The following DHPS variants were observed in gnomAD, a reference collection of about 807,000 sequenced individuals.
DHPS encodes deoxyhypusine synthase.
Under a neutral mutation model 38.7 loss-of-function variants are expected in DHPS, and 24 were observed. The ratio of observed to expected loss-of-function variants is 0.62; its 90% confidence interval spans 0.45 to 0.87. The LOEUF is 0.87. Ranked by LOEUF, DHPS falls within the 40% of genes least tolerant of loss-of-function variation. The pLI, the probability that DHPS is intolerant of heterozygous loss-of-function variation, is 0.00. For synonymous variants in DHPS, 250 were observed against 204.4 expected (o/e 1.22, Z -1.90); for missense variants, 510 against 497.6 (o/e 1.02, Z -0.24).
At chr19:12,681,491 C>T in intron 1 of DHPS, 69 bp downstream of exon 1, 2 of 1,553,418 alleles carry the variant, frequency 1.3e-6, no homozygotes, top group South Asian at 1.1e-5. Context: ...ACGCTGCCCC[C>T]GTCTAGTACC....
At chr19:12,676,185 C>T in intron 7 of DHPS, 43 bp from the exon 8 acceptor site, 1 of 1,521,306 alleles carries the variant, frequency 6.6e-7, no homozygotes. Flanking sequence ...CAGCCAGTCA[C>T]AGGAGACAGA....
downstream of DHPS, chr19:12,675,431 C>T (rs2024545636): frequency 6.6e-7 from 1 of 1,518,808 alleles, no homozygotes; most frequent in Admixed American, 2.0e-5. Context: ...CTGAGGGCTT[C>T]AGGCAGGACT....
At chr19:12,681,220 G>A (rs1201428597) in intron 1 of DHPS, 1 of 1,234,790 alleles carries the variant, frequency 8.1e-7, no homozygotes. Context: ...TTCAAGAACC[G>A]CCCAGACTTA....
At chr19:12,681,285 C>T (rs2024801106) in intron 1 of DHPS, 3 of 1,296,780 alleles carry the variant, frequency 2.3e-6, no homozygotes, top group Non-Finnish European at 3.0e-6. Flanking sequence ...TCCGCCCATT[C>T]CAGAAAGCTT....
chr19:12,680,030 G>T (rs1167000867), intron 2 of DHPS, 108 bp from the exon 3 acceptor site: 2 of 1,553,672 alleles, frequency 1.3e-6, no homozygotes, highest in East Asian at 4.5e-5. Flanking sequence ...AGGGAGCTCT[G>T]CTACAAAACA....
At chr19:12,675,460 G>A, downstream of DHPS, 1 of 1,566,502 alleles carries the variant, frequency 6.4e-7, no homozygotes, top group Non-Finnish European at 8.6e-7. Flanking sequence ...GGGTGCCCAG[G>A]GACCTCAGAA....
chr19:12,672,965 AG>A, downstream of DHPS: 1 of 1,598,010 alleles, frequency 6.3e-7, no homozygotes, highest in Non-Finnish European at 8.5e-7. Context: ...GGGGCCAACC[AG>A]GGGCACCCCA....
chr19:12,676,047 G>A lies in DHPS; in HGVS notation c.984C>T (p.Gly328=). 6.2e-7 allele frequency: 1 copy of A among 1,614,084 alleles called. No homozygotes were observed. The highest frequency in any genetic ancestry group is 2.2e-5 in the East Asian group (1 of 44,882). The change falls in exon 8 of 9, where the codon GGC becomes GGT. Residue 328 remains glycine, a synonymous_variant. Coordinates refer to ENST00000210060, the MANE Select transcript of DHPS (RefSeq NM_001930.4). The part of the protein sequence containing the change: ...GARPDEAVSW[G]KIRVDAQPVK... Reference sequence around the variant, plus strand: ...CGGGCTGTGCATCCACCCGGATCTTGCCCCAGGAGACAGCCTCGTCTGGTC... The same window carrying A: ...CGGGCTGTGCATCCACCCGGATCTTACCCCAGGAGACAGCCTCGTCTGGTC...
At chr19:12,675,514 G>T (rs369299220), downstream of DHPS, 1 of 1,602,384 alleles carries the variant, frequency 6.2e-7, no homozygotes. Context: ...CCTACCCCTC[G>T]CTCCACAGGG....
rs764349837 is a variant in DHPS, at chr19:12,676,065, G to A, written c.966C>T (p.Asp322=). ...GGATCTTGCCCCAGGAGACAGCCTC[G>A]TCTGGTCGGGCACCTGAGTCAGAGC... The part of the protein sequence containing the change: ...FDGSDSGARP[D]EAVSWGKIRV... Residue 322 remains aspartate (D), a synonymous_variant, in exon 8 of 9, where the codon GAC becomes GAT. Transcript: ENST00000210060. 7.4e-6 allele frequency: 12 copies of A among 1,613,956 alleles called. No individual in the cohort carries two copies. Among genetic ancestry groups the A allele is most frequent in the South Asian group, 3.3e-5 (3 of 91,092 alleles).
intron 1 of DHPS, among the ~76,000 whole-genome samples, chr19:12,680,658 C>A (rs2024776177): frequency 6.6e-6 from 1 of 151,564 alleles, no homozygotes; most frequent in African/African-American, 2.4e-5. Flanking sequence ...CTCAGCCTCC[C>A]GAGTAGCTGG....
In DHPS at chr19:12,677,413, A is replaced by C; in HGVS notation, c.679-17T>G. 1 of 1,608,408 alleles carries C rather than the reference A, an allele frequency of 6.2e-7. No homozygotes were observed. The highest frequency in any genetic ancestry group is 1.7e-5 in the Admixed American group (1 of 59,480). ...GATGTGGTTCTGCAGAGAACATGAC[A>C]GGACAGTGGCTGGAGCTCAGAGCCT... On this transcript the variant is annotated splice_polypyrimidine_tract_variant and intron_variant, in intron 5 of 8. Coordinates refer to ENST00000210060, the MANE Select transcript of DHPS (RefSeq NM_001930.4).
At position 12,675,822 on chromosome 19, in the gene DHPS, C is replaced by T; in HGVS notation, c.*16G>A. The T allele has an allele frequency of 6.3e-7, 1 of 1,578,694 alleles. No homozygotes were observed. Among genetic ancestry groups the T allele is most frequent in the Non-Finnish European group, 8.6e-7 (1 of 1,160,650 alleles). ...AAATAGAAGAGGGGGTAAGACCTTCCTGGGACCGCAGCCGCTCAGTCCTCG... is the reference window on the plus strand; with the variant it reads ...AAATAGAAGAGGGGGTAAGACCTTCTTGGGACCGCAGCCGCTCAGTCCTCG... On this transcript the variant is annotated 3_prime_UTR_variant, in exon 9 of 9. Coordinates refer to ENST00000210060, the MANE Select transcript of DHPS (RefSeq NM_001930.4).
rs1264286937 is a variant in DHPS, at chr19:12,677,404, G to A, written c.679-8C>T. The A allele has an allele frequency of 6.2e-7, 1 of 1,611,458 alleles. No homozygotes were observed. The highest frequency in any genetic ancestry group is 8.5e-7 in the Non-Finnish European group (1 of 1,178,396). On this transcript the variant is annotated splice_region_variant and splice_polypyrimidine_tract_variant and intron_variant, in intron 5 of 8. Transcript: ENST00000210060. ...AAACACAGGGATGTGGTTCTGCAGA[G>A]AACATGACAGGACAGTGGCTGGAGC...
At chr19:12,676,602 G>T (rs1307134634) in intron 7 of DHPS, 1 of 222,284 alleles carries the variant, frequency 4.5e-6, no homozygotes, top group African/African-American at 2.3e-5. Flanking sequence ...AGCCCACAGG[G>T]CCCAGCAGGC....
At chr19:12,674,648 G>C (rs2024516696), downstream of DHPS, among the ~76,000 whole-genome samples, 1 of 152,148 alleles carries the variant, frequency 6.6e-6, no homozygotes, top group Non-Finnish European at 1.5e-5. Flanking sequence ...AGGGGAAGTG[G>C]GGATCATTGG....
downstream of DHPS, chr19:12,672,722 C>A: frequency 9.9e-7 from 1 of 1,011,352 alleles, no homozygotes; most frequent in Non-Finnish European, 1.5e-6. Flanking sequence ...AGTCTCAAGG[C>A]CAGAGCTTCA....
intron 5 of DHPS, among the ~76,000 whole-genome samples, chr19:12,678,768 C>CAAAAA (rs1183531365): frequency 4.3e-5 from 2 of 46,338 alleles, no homozygotes; most frequent in Non-Finnish European, 7.2e-5. Flanking sequence ...GACTCTGTCT[C>CAAAAA]AAAAAAAAAA....
chr19:12,678,939 A>G (rs959074310), intron 5 of DHPS, among the ~76,000 whole-genome samples: 1 of 150,944 alleles, frequency 6.6e-6, no homozygotes, highest in Non-Finnish European at 1.5e-5. Context: ...TGTTCCAGAG[A>G]TAGTCTGGGA....
Sources: gnomAD v4.1 joint callset for allele counts (sites outside exome capture counted in the v4.1 genomes callset) on GRCh38, gnomAD v4.1.1 for gene constraint, MANE v1.5 for transcripts, NCBI Gene and HGNC (gene_info 2026-07-23, HGNC 2026-07-21) for gene names.